PHACTR1: variants seen among roughly 807,000 people sequenced by gnomAD.
The protein encoded by PHACTR1 is phosphatase and actin regulator 1.
Under a neutral mutation model 69.2 loss-of-function variants are expected in PHACTR1, and 16 were observed. The ratio of observed to expected loss-of-function variants is 0.23; its 90% CI spans 0.16 to 0.35. The LOEUF is 0.35. Among genes scored for constraint, PHACTR1 ranks in the 10% least tolerant of loss-of-function variants. PHACTR1 has a pLI of 1.00. For missense variants in PHACTR1, 510 were observed against 734.7 expected (o/e 0.69, Z 3.54); for synonymous variants, 312 against 284.5 (o/e 1.10, Z -0.97).
chr6:13,266,316 G>C (rs571884783), intron 10 of PHACTR1, among the ~76,000 whole-genome samples: 1 of 151,996 alleles, frequency 6.6e-6, no homozygotes, highest in South Asian at 2.1e-4. Context: ...GCCTCTGCTC[G>C]GGTTTCCTCT....
chr6:13,216,971 AT>A (rs926187555), intron 8 of PHACTR1, among the ~76,000 whole-genome samples: 52 of 152,048 alleles, frequency 3.4e-4, no homozygotes, highest in African/African-American at 1.3e-3. Context: ...TCTGCTTTTG[AT>A]TTTTTTTGCT....
intron 4 of PHACTR1, among the ~76,000 whole-genome samples, chr6:12,940,582 T>A (rs747514749): frequency 3.9e-5 from 6 of 152,186 alleles, no homozygotes; most frequent in Non-Finnish European, 7.3e-5. Context: ...CTCATGGAAC[T>A]TTTTGCTAGG....
At chr6:12,727,875 C>G (rs1162371566) in intron 3 of PHACTR1, among the ~76,000 whole-genome samples, 1 of 152,156 alleles carries the variant, frequency 6.6e-6, no homozygotes, top group Non-Finnish European at 1.5e-5. Context: ...CACACTTATG[C>G]AAAACCATGG....
intron 4 of PHACTR1, among the ~76,000 whole-genome samples, chr6:12,832,167 G>T (rs1777652562): frequency 1.3e-5 from 2 of 152,088 alleles, no homozygotes; most frequent in African/African-American, 4.8e-5. Context: ...CTAAGGTGAT[G>T]CTCATCTCTA....
intron 5 of PHACTR1, among the ~76,000 whole-genome samples, chr6:13,082,271 T>G (rs556196351): frequency 3.5e-4 from 54 of 152,310 alleles, no homozygotes; most frequent in African/African-American, 1.1e-3. Flanking sequence ...GGTATCACTT[T>G]GCTTAAAGTC....
intron 4 of PHACTR1, chr6:12,933,581 T>A: frequency 6.3e-7 from 1 of 1,597,422 alleles, no homozygotes; most frequent in Non-Finnish European, 8.5e-7. Flanking sequence ...TATCTCTTTG[T>A]TATCTGACCT....
chr6:13,013,916 G>T (rs1229613039), intron 4 of PHACTR1, among the ~76,000 whole-genome samples: 6 of 150,488 alleles, frequency 4.0e-5, no homozygotes, highest in Non-Finnish European at 5.9e-5. Flanking sequence ...CAGCGAAGCC[G>T]GGGAGGTTTG....
At chr6:12,939,196 A>G (rs983526236) in intron 4 of PHACTR1, among the ~76,000 whole-genome samples, 3 of 152,218 alleles carry the variant, frequency 2.0e-5, no homozygotes, top group Non-Finnish European at 4.4e-5. Context: ...ATGAGTAACC[A>G]TTGGAAAATA....
intron 4 of PHACTR1, among the ~76,000 whole-genome samples, chr6:12,855,568 C>T (rs183224114): frequency 6.6e-6 from 1 of 152,212 alleles, no homozygotes; most frequent in East Asian, 1.9e-4. Flanking sequence ...CGCATGTTCT[C>T]ATTTATAAGT....
intron 4 of PHACTR1, among the ~76,000 whole-genome samples, chr6:12,948,478 A>G (rs1790917115): frequency 6.6e-6 from 1 of 152,196 alleles, no homozygotes; most frequent in African/African-American, 2.4e-5. Context: ...AGTAAACTAT[A>G]AGATGTATGC....
chr6:12,761,326 C>T (rs972839997), intron 4 of PHACTR1, among the ~76,000 whole-genome samples: 3 of 152,092 alleles, frequency 2.0e-5, no homozygotes, highest in Admixed American at 6.5e-5. Flanking sequence ...TTGCCATGGC[C>T]AAAAACTCAA....
chr6:12,828,237 T>G (rs1052300592), intron 4 of PHACTR1, among the ~76,000 whole-genome samples: 3 of 152,210 alleles, frequency 2.0e-5, no homozygotes, highest in African/African-American at 7.2e-5. Context: ...TGCTTCTCTA[T>G]TCTTCCCACT....
chr6:13,262,928 T>C (rs1306743076), intron 10 of PHACTR1, among the ~76,000 whole-genome samples: 4 of 152,192 alleles, frequency 2.6e-5, no homozygotes, highest in Non-Finnish European at 5.9e-5. Flanking sequence ...GTTTCAGAGA[T>C]CCAGACTTTA....
At chr6:12,923,750 G>A (rs144796491) in intron 4 of PHACTR1, among the ~76,000 whole-genome samples, 2 of 152,220 alleles carry the variant, frequency 1.3e-5, no homozygotes, top group African/African-American at 4.8e-5. Context: ...CTTTCCCTTT[G>A]CAATTGATTT....
At chr6:12,956,266 AT>A (rs1045306865) in intron 4 of PHACTR1, among the ~76,000 whole-genome samples, 2 of 152,190 alleles carry the variant, frequency 1.3e-5, no homozygotes, top group African/African-American at 4.8e-5. Context: ...GCGCTTTGAC[AT>A]GGAAAAAGCA....
chr6:13,251,742 C>T (rs566057358), intron 10 of PHACTR1, among the ~76,000 whole-genome samples: 1 of 152,124 alleles, frequency 6.6e-6, no homozygotes, highest in African/African-American at 2.4e-5. Flanking sequence ...GGCTCTCTCT[C>T]AAGCCATTGA....
intron 4 of PHACTR1, among the ~76,000 whole-genome samples, chr6:12,913,571 T>C (rs759441300): frequency 6.6e-6 from 1 of 152,196 alleles, no homozygotes. Context: ...TCCTTAGAGG[T>C]GGGATGATTT....
intron 4 of PHACTR1, among the ~76,000 whole-genome samples, chr6:12,826,097 CCATGGCTAACTCCAAAAATG>C (rs1776775712): frequency 6.6e-6 from 1 of 152,044 alleles, no homozygotes; most frequent in Admixed American, 6.6e-5. Context: ...TAATTTTTTC[CCATGGCTAACTCCAAAAATG>C]CAGACATTTG....
chr6:13,146,301 A>C (rs1316664948), intron 5 of PHACTR1, among the ~76,000 whole-genome samples: 2 of 152,234 alleles, frequency 1.3e-5, no homozygotes. Flanking sequence ...TGTCCCCTTC[A>C]GGCAAAATAT....
Sources: gnomAD v4.1 joint callset for allele counts (sites outside exome capture counted in the v4.1 genomes callset) on GRCh38, gnomAD v4.1.1 for gene constraint, MANE v1.5 for transcripts, NCBI Gene and HGNC (gene_info 2026-07-23, HGNC 2026-07-21) for gene names.